Variants in MED13 observed in about 807,000 individuals in gnomAD.
MED13 encodes mediator complex subunit 13.
Under a neutral mutation model 225.2 loss-of-function variants are expected in MED13, and 23 were observed. That is an observed-to-expected ratio of 0.10 (90% CI 0.07 to 0.14). MED13 has a LOEUF of 0.14. Among genes scored for constraint, MED13 ranks in the 10% least tolerant of loss-of-function variants. The probability of loss-of-function intolerance (pLI) is 1.00; values close to 1 mark genes in which losing one functional copy is unlikely to be tolerated. For synonymous variants in MED13, 942 were observed against 889.2 expected, an observed-to-expected ratio of 1.06 and a Z score of -1.06; for missense variants, 2,197 against 2,594.5, an observed-to-expected ratio of 0.85 and a Z score of 3.33.
chr17:62,055,572 CA>C (rs753332518), intron 2 of MED13, among the ~76,000 whole-genome samples: 3 of 151,908 alleles, frequency 2.0e-5, no homozygotes, highest in Non-Finnish European at 4.4e-5. Context: ...CCTATAATCC[CA>C]GCACTTTGGG....
chr17:62,064,974 G>A (rs945566306), intron 1 of MED13, among the ~76,000 whole-genome samples, 166 bp downstream of exon 1: 12 of 152,184 alleles, frequency 7.9e-5, no homozygotes, highest in African/African-American at 1.4e-4. Context: ...GTAGGAGAGC[G>A]AACGCCGCCT....
At chr17:61,947,667 T>G (rs2143272992) in intron 28 of MED13, among the ~76,000 whole-genome samples, 1 of 152,230 alleles carries the variant, frequency 6.6e-6, no homozygotes, top group East Asian at 1.9e-4. Context: ...CTGAGAACAC[T>G]CTAAGTAATA....
chr17:61,985,915 G>A (rs531598656), intron 12 of MED13, among the ~76,000 whole-genome samples: 7 of 152,250 alleles, frequency 4.6e-5, no homozygotes, highest in Non-Finnish European at 8.8e-5. Flanking sequence ...AACTTCAGAA[G>A]ATCTAATGAC....
intron 20 of MED13, 56 bp downstream of exon 20, chr17:61,964,950 A>C (rs2143367909): frequency 1.3e-6 from 2 of 1,492,522 alleles, no homozygotes; most frequent in African/African-American, 2.8e-5. Context: ...AAAAAAAAGA[A>C]AGAAGCAGCA....
intron 3 of MED13, among the ~76,000 whole-genome samples, chr17:62,049,351 A>G (rs903080959): frequency 6.6e-6 from 1 of 152,210 alleles, no homozygotes; most frequent in African/African-American, 2.4e-5. Flanking sequence ...AGGTACACAG[A>G]TCAGGAGTCA....
chr17:61,970,821 T>TG (rs1229127821), intron 17 of MED13, among the ~76,000 whole-genome samples: 132 of 149,952 alleles, frequency 8.8e-4, no homozygotes, highest in African/African-American at 3.0e-3. Flanking sequence ...GCCCAGGAGT[T>TG]GGAGACCAGC....
At chr17:61,959,961 A>G (rs1242426901) in intron 23 of MED13, among the ~76,000 whole-genome samples, 1 of 152,060 alleles carries the variant, frequency 6.6e-6, no homozygotes, top group African/African-American at 2.4e-5. Flanking sequence ...CCTGGACTCA[A>G]GTGATCCGCC....
chr17:62,010,682 T>C lies in MED13; in HGVS notation c.1835A>G (p.Asn612Ser), dbSNP rs775589623. 2.8e-5 allele frequency: 43 copies of C among 1,549,646 alleles called. No individual in the cohort carries two copies. In the African/African-American group the frequency reaches 2.9e-4, roughly 10 times the overall value. Residue 612 changes from asparagine (N) to serine (S), a missense_variant, in exon 9 of 30, where the codon AAT becomes AGT. Asn to Ser is a conservative substitution (Grantham distance 46). This residue lies in a region of MED13 where 884 missense variants were observed against 918.5 expected (regional missense o/e 0.96). Coordinates refer to ENST00000397786, the MANE Select transcript of MED13 (RefSeq NM_005121.3). Reference sequence around the variant, plus strand: ...GAACTTGTAATACTTCCAGGCTATATTGGCTTCATCTTCTTCCAAGTTTAC... The same window carrying C: ...GAACTTGTAATACTTCCAGGCTATACTGGCTTCATCTTCTTCCAAGTTTAC... ...TAVNLEEDEA[N>S]IAWKYYKFPK...
At chr17:61,959,895 AT>A (rs1316311863) in intron 23 of MED13, among the ~76,000 whole-genome samples, 1 of 151,606 alleles carries the variant, frequency 6.6e-6, no homozygotes, top group Non-Finnish European at 1.5e-5. Flanking sequence ...CCCAGCTAAT[AT>A]TTGTATTTTT....
At chr17:62,027,234 G>A (rs1377588489) in intron 8 of MED13, among the ~76,000 whole-genome samples, 2 of 152,176 alleles carry the variant, frequency 1.3e-5, no homozygotes, top group Admixed American at 1.3e-4. Context: ...TACTAAAACA[G>A]ACACATAGAC....
chr17:61,997,433 G>GT (rs1340488178), intron 9 of MED13, among the ~76,000 whole-genome samples: 2 of 152,078 alleles, frequency 1.3e-5, no homozygotes, highest in Non-Finnish European at 2.9e-5. Context: ...ATCAAGTGTA[G>GT]TTTTTTACCT....
chr17:62,020,690 T>C (rs953574152), intron 8 of MED13, among the ~76,000 whole-genome samples: 7 of 119,072 alleles, frequency 5.9e-5, no homozygotes, highest in Non-Finnish European at 9.7e-5. Context: ...GCTTTCTTTT[T>C]TTTTTTTTTT....
chr17:62,024,030 T>A (rs1229821662), intron 8 of MED13, among the ~76,000 whole-genome samples: 1 of 152,090 alleles, frequency 6.6e-6, no homozygotes, highest in African/African-American at 2.4e-5. Context: ...TGACTTTTTT[T>A]TTTTTGAGAC....
chr17:61,956,975 A>G (rs2079950875), intron 23 of MED13, among the ~76,000 whole-genome samples: 1 of 152,302 alleles, frequency 6.6e-6, no homozygotes, highest in Non-Finnish European at 1.5e-5. Flanking sequence ...TCTATTTCAC[A>G]TTATAATATA....
chr17:61,979,386 C>T lies in MED13; in HGVS notation c.3805+2812G>A, dbSNP rs73334679. On this transcript the variant is annotated intron_variant, in intron 16 of 29. Coordinates refer to ENST00000397786, the MANE Select transcript of MED13 (RefSeq NM_005121.3). ...GTGCAGTGGTACAATCATGGTTCACCGAATCCTCCACCTCCTAGGTTCAAG... is the reference window on the plus strand; with the variant it reads ...GTGCAGTGGTACAATCATGGTTCACTGAATCCTCCACCTCCTAGGTTCAAG... 7.4e-3 allele frequency among the ~76,000 whole-genome samples: 1,119 copies of T among 152,108 alleles called. 11 individuals are homozygous for T. Among genetic ancestry groups the T allele is most frequent in the East Asian group, 0.027 (138 of 5,168 alleles).
At position 62,011,050 on chromosome 17, in the gene MED13, G is replaced by A. The variant is rs762008104; in HGVS notation, c.1467C>T (p.Asp489=). ...RVSVSDDVGM[D]ADSASQRLVI... ...CAAGTCTTTGGCTGGCTGAATCTGC[G>A]TCCATGCCAACATCATCACTAACAG... The change falls in exon 9 of 30, where the codon GAC becomes GAT. Residue 489 remains aspartate (D), a synonymous_variant. Coordinates refer to ENST00000397786, the MANE Select transcript of MED13 (RefSeq NM_005121.3). The A allele has an allele frequency of 1.9e-5, 31 of 1,614,066 alleles. No homozygotes were observed. In the Middle Eastern group the frequency reaches 1.2e-3, roughly 60 times the overall value.
At chr17:62,059,327 A>C (rs1004636313) in intron 2 of MED13, among the ~76,000 whole-genome samples, 2 of 152,222 alleles carry the variant, frequency 1.3e-5, no homozygotes, top group African/African-American at 4.8e-5. Flanking sequence ...GTTAAGAAAA[A>C]CTGAGAATTC....
intron 16 of MED13, among the ~76,000 whole-genome samples, chr17:61,973,603 G>C (rs907334077): frequency 6.6e-6 from 1 of 152,160 alleles, no homozygotes; most frequent in South Asian, 2.1e-4. Context: ...AAACCTGTTT[G>C]AGCACAGTTA....
chr17:62,007,676 G>A (rs1240672820), intron 9 of MED13, among the ~76,000 whole-genome samples: 1 of 150,314 alleles, frequency 6.7e-6, no homozygotes, highest in Non-Finnish European at 1.5e-5. Flanking sequence ...GTGAAACCCC[G>A]TCTCTACTAA....
Sources: allele counts gnomAD v4.1 joint callset (sites outside exome capture counted in the v4.1 genomes callset), GRCh38; gene constraint gnomAD v4.1.1; regional missense constraint gnomAD v4.1.1; transcripts MANE v1.5; gene names NCBI Gene and HGNC (gene_info 2026-07-23, HGNC 2026-07-21).